TOX3: variants seen among roughly 807,000 people sequenced by gnomAD.
TOX3 encodes CAG trinucleotide repeat-containing gene F9 protein.
In TOX3, 22 loss-of-function variants were observed where a neutral mutation model predicts 64.3. The ratio of observed to expected loss-of-function variants is 0.34; its 90% CI spans 0.24 to 0.49. The LOEUF is 0.49. Among genes scored for constraint, TOX3 ranks in the 20% least tolerant of loss-of-function variants. The pLI, the probability that TOX3 is intolerant of heterozygous loss-of-function variation, is 0.99. For synonymous variants in TOX3, 291 were observed against 273.6 expected (o/e 1.06, Z -0.63); for missense variants, 661 against 714.4 (o/e 0.93, Z 0.85).
chr16:52,527,990 A>G (rs1962760592), intron 1 of TOX3, among the ~76,000 whole-genome samples: 1 of 152,188 alleles, frequency 6.6e-6, no homozygotes, highest in South Asian at 2.1e-4. Flanking sequence ...AAAGTTCCCC[A>G]AAACAAAGAA....
At chr16:52,533,825 G>A (rs751077409) in intron 1 of TOX3, among the ~76,000 whole-genome samples, 4 of 152,124 alleles carry the variant, frequency 2.6e-5, no homozygotes, top group Non-Finnish European at 5.9e-5. Context: ...CACATTTGAA[G>A]GTAGAAAGGC....
intron 1 of TOX3, among the ~76,000 whole-genome samples, chr16:52,491,232 C>T (rs796143292): frequency 1.3e-5 from 2 of 152,208 alleles, no homozygotes; most frequent in Non-Finnish European, 2.9e-5. Flanking sequence ...CTTCTTGGTT[C>T]TTCCAGTCCC....
intron 1 of TOX3, among the ~76,000 whole-genome samples, chr16:52,480,127 T>C (rs1334824940): frequency 6.6e-6 from 1 of 152,164 alleles, no homozygotes; most frequent in Non-Finnish European, 1.5e-5. Context: ...AGGCACACGA[T>C]AGGTTCTCAA....
chr16:52,527,589 C>T (rs572659361), intron 1 of TOX3, among the ~76,000 whole-genome samples: 20 of 152,152 alleles, frequency 1.3e-4, no homozygotes, highest in Non-Finnish European at 2.4e-4. Flanking sequence ...AAAACATCTG[C>T]AAGGTGCTGA....
chr16:52,542,240 T>C (rs1963090779), intron 1 of TOX3, among the ~76,000 whole-genome samples: 1 of 152,190 alleles, frequency 6.6e-6, no homozygotes, highest in East Asian at 1.9e-4. Flanking sequence ...GCAGCTCTAC[T>C]CCATTCTATT....
chr16:52,533,554 T>C (rs1962892252), intron 1 of TOX3, among the ~76,000 whole-genome samples: 1 of 152,176 alleles, frequency 6.6e-6, no homozygotes, highest in South Asian at 2.1e-4. Context: ...AGGTCTCCAG[T>C]GAGATTTGAA....
At chr16:52,514,100 C>T (rs1962381838) in intron 1 of TOX3, among the ~76,000 whole-genome samples, 3 of 152,076 alleles carry the variant, frequency 2.0e-5, no homozygotes, top group South Asian at 2.1e-4. Flanking sequence ...TTTTTCTTGA[C>T]GTTTTATATG....
chr16:52,453,700 A>T (rs1960429136), intron 3 of TOX3, among the ~76,000 whole-genome samples: 1 of 152,130 alleles, frequency 6.6e-6, no homozygotes, highest in South Asian at 2.1e-4. Flanking sequence ...AATGCCTGTG[A>T]AAATTTGCAC....
At chr16:52,490,647 T>TTTTTTA in intron 1 of TOX3, among the ~76,000 whole-genome samples, 1 of 146,730 alleles carries the variant, frequency 6.8e-6, no homozygotes, top group African/African-American at 2.5e-5. Context: ...TTTTTTTTTT[T>TTTTTTA]AATACAGGGT....
At chr16:52,458,997 C>T (rs1960609681) in intron 3 of TOX3, among the ~76,000 whole-genome samples, 1 of 152,102 alleles carries the variant, frequency 6.6e-6, no homozygotes, top group African/African-American at 2.4e-5. Context: ...AACAATTTCA[C>T]AAACAGTATA....
Position 52,438,341 on chromosome 16 carries a change from C to T in TOX3, c.*884G>A, listed in dbSNP as rs1959815078. The T allele has an allele frequency of 1.3e-5, 2 of 152,550 alleles. No homozygotes were observed. Among genetic ancestry groups the T allele is most frequent in the South Asian group, 2.1e-4 (1 of 4,820 alleles). 9.4% of individuals were successfully genotyped at this position (152,550 alleles called of 1,614,324 possible). A position where few individuals can be genotyped will look rare whatever the true frequency, so the allele number is the denominator to read the frequency against. ...ACATTGATTATTCAGATGTGGTGTG[C>T]CTTTTAAATATTCTACTGGTATTAC... On this transcript the variant is annotated 3_prime_UTR_variant, in exon 7 of 7. Coordinates refer to ENST00000219746, the MANE Select transcript of TOX3 (RefSeq NM_001080430.4).
At chr16:52,492,564 A>AATATATACATAT (rs1555484964) in intron 1 of TOX3, among the ~76,000 whole-genome samples, 2 of 90,694 alleles carry the variant, frequency 2.2e-5, no homozygotes, top group African/African-American at 9.1e-5. Context: ...GTTGTATATA[A>AATATATACATAT]ATATATATAT....
intron 1 of TOX3, among the ~76,000 whole-genome samples, chr16:52,538,920 G>A (rs9931232): frequency 0.49 from 73,966 of 151,810 alleles, 18,263 homozygotes; most frequent in East Asian, 0.63. Flanking sequence ...AAGCTCATGC[G>A]GACCTTAAAT....
At chr16:52,528,074 C>T (rs1596861366) in intron 1 of TOX3, among the ~76,000 whole-genome samples, 1 of 152,138 alleles carries the variant, frequency 6.6e-6, no homozygotes, top group Admixed American at 6.5e-5. Flanking sequence ...TAAAGAACAG[C>T]AGGGCATCTA....
intron 1 of TOX3, among the ~76,000 whole-genome samples, chr16:52,536,574 C>T (rs868718419): frequency 7.2e-6 from 1 of 139,614 alleles, no homozygotes; most frequent in Middle Eastern, 4.0e-3. Flanking sequence ...ACATATTGTT[C>T]TCTCTCTCTC....
chr16:52,455,263 G>A (rs956297076), intron 3 of TOX3, among the ~76,000 whole-genome samples: 5 of 151,994 alleles, frequency 3.3e-5, no homozygotes, highest in African/African-American at 1.2e-4. Flanking sequence ...CAGCCTGAGT[G>A]GTACTGACAT....
intron 1 of TOX3, among the ~76,000 whole-genome samples, chr16:52,512,878 G>T (rs998466738): frequency 6.6e-6 from 1 of 152,134 alleles, no homozygotes; most frequent in Non-Finnish European, 1.5e-5. Flanking sequence ...GAAGTGTTAA[G>T]ATGTGAGCTT....
chr16:52,519,589 C>CT, intron 1 of TOX3: 7 of 1,392,576 alleles, frequency 5.0e-6, no homozygotes, highest in Non-Finnish European at 5.6e-6. Flanking sequence ...GCTGAGCAGA[C>CT]GAAAAAAAAA....
intron 1 of TOX3, among the ~76,000 whole-genome samples, chr16:52,483,510 T>A (rs898375571): frequency 1.5e-4 from 23 of 151,806 alleles, no homozygotes; most frequent in African/African-American, 5.3e-4. Flanking sequence ...TGCCTACCCA[T>A]TCACCGTTGG....
Sources: gnomAD v4.1 joint callset for allele counts (sites outside exome capture counted in the v4.1 genomes callset) on GRCh38, gnomAD v4.1.1 for gene constraint, MANE v1.5 for transcripts, NCBI Gene and HGNC (gene_info 2026-07-23, HGNC 2026-07-21) for gene names.